The following JAK2 variants were observed in gnomAD, a reference collection of about 807,000 sequenced individuals.
The protein encoded by JAK2 is tyrosine-protein kinase JAK2.
In JAK2, 86 loss-of-function variants were observed where a neutral mutation model predicts 139.3. The observed-to-expected ratio is 0.62, with a 90% CI of 0.52 to 0.74. The LOEUF is 0.74. JAK2 is among the 30% of genes least tolerant of loss of function. JAK2 has a pLI of 0.00. For synonymous variants in JAK2, 490 were observed against 437.7 expected, an observed-to-expected ratio of 1.12 and a Z score of -1.49; for missense variants, 1,421 against 1,360.3, an observed-to-expected ratio of 1.04 and a Z score of -0.70.
At chr9:5,051,924 A>T (rs1586706878) in intron 6 of JAK2, among the ~76,000 whole-genome samples, 1 of 152,124 alleles carries the variant, frequency 6.6e-6, no homozygotes, top group East Asian at 1.9e-4. Flanking sequence ...CATAGGGTAT[A>T]ATTTTAGGAA....
intron 10 of JAK2, among the ~76,000 whole-genome samples, chr9:5,068,633 C>T (rs1028410348): frequency 6.6e-6 from 1 of 152,140 alleles, no homozygotes; most frequent in Non-Finnish European, 1.5e-5. Context: ...ATGGCTGGAA[C>T]GTAGGTTGTA....
chr9:5,114,081 C>G (rs1356033073), intron 22 of JAK2: 1 of 334,888 alleles, frequency 3.0e-6, no homozygotes, highest in South Asian at 3.0e-5. Context: ...CACCCTCACC[C>G]AGAAGCGCTG....
chr9:4,995,198 C>G (rs1820491347), intron 2 of JAK2, among the ~76,000 whole-genome samples: 1 of 152,136 alleles, frequency 6.6e-6, no homozygotes, highest in African/African-American at 2.4e-5. Flanking sequence ...TCACTCATAT[C>G]TTGGCCCACT....
intron 4 of JAK2, among the ~76,000 whole-genome samples, chr9:5,040,642 G>T (rs1816416631): frequency 6.6e-6 from 1 of 152,258 alleles, no homozygotes; most frequent in African/African-American, 2.4e-5. Context: ...AATTTAAAAA[G>T]TAGGCAAGGG....
intron 8 of JAK2, among the ~76,000 whole-genome samples, chr9:5,057,455 A>C (rs988350733): frequency 6.6e-6 from 1 of 152,102 alleles, no homozygotes; most frequent in Non-Finnish European, 1.5e-5. Context: ...AGTAGTGTTA[A>C]GTATATTCAC....
chr9:5,126,837 A>C lies in JAK2; in HGVS notation c.*46A>C, dbSNP rs768666832. ...AGACCAAAGTAGATTTACAGAACAA[A>C]GTTTTATATTTCACATTGCTGTGGA... On this transcript the variant is annotated 3_prime_UTR_variant, in exon 25 of 25. Coordinates refer to ENST00000381652, the MANE Select transcript of JAK2 (RefSeq NM_004972.4). The C allele has an allele frequency of 8.5e-7, 1 of 1,175,006 alleles. No individual in the cohort carries two copies. The highest frequency in any genetic ancestry group is 2.4e-5 in the East Asian group (1 of 42,490). The allele number at this position is 1,175,006 out of a possible 1,614,324, so 72.8% of individuals were successfully genotyped here.
At chr9:5,008,669 T>C (rs778663811) in intron 2 of JAK2, among the ~76,000 whole-genome samples, 2 of 152,220 alleles carry the variant, frequency 1.3e-5, no homozygotes, top group Non-Finnish European at 2.9e-5. Flanking sequence ...TTCTTTGTTA[T>C]CTTTGGTGTT....
chr9:5,066,398 C>G (rs757302790), intron 9 of JAK2, among the ~76,000 whole-genome samples: 1 of 151,982 alleles, frequency 6.6e-6, no homozygotes, highest in Non-Finnish European at 1.5e-5. Context: ...AATCAGCAGG[C>G]AGAAAAATCA....
chr9:5,128,513 T>C lies in JAK2; in HGVS notation c.*1722T>C, dbSNP rs1320404593. 6.6e-6 allele frequency among the ~76,000 whole-genome samples: 1 copy of C among 151,902 alleles called. No homozygotes were observed. Among genetic ancestry groups the C allele is most frequent in the Non-Finnish European group, 1.5e-5 (1 of 67,792 alleles). ...CAATATGCTTGATTTCAGATTTTCATACTAAAACTTAACTACATACTTAAA... is the reference window on the plus strand; with the variant it reads ...CAATATGCTTGATTTCAGATTTTCACACTAAAACTTAACTACATACTTAAA... On this transcript the variant is annotated 3_prime_UTR_variant, in exon 25 of 25. Coordinates refer to ENST00000381652, the MANE Select transcript of JAK2 (RefSeq NM_004972.4).
chr9:5,080,098 C>A, intron 16 of JAK2, 131 bp from the exon 17 acceptor site: 2 of 677,428 alleles, frequency 3.0e-6, no homozygotes, highest in Non-Finnish European at 4.9e-6. Context: ...TGCATGTGCA[C>A]ATCCAACCCC....
chr9:5,012,314 C>G (rs11998868), intron 2 of JAK2, among the ~76,000 whole-genome samples: 13,474 of 152,162 alleles, frequency 0.089, 1,747 homozygotes, highest in African/African-American at 0.29. Flanking sequence ...TCATATCCCC[C>G]CGATTTGTAT....
chr9:5,084,678 C>G (rs1025237677), intron 19 of JAK2, among the ~76,000 whole-genome samples: 3 of 151,882 alleles, frequency 2.0e-5, no homozygotes, highest in African/African-American at 7.3e-5. Context: ...TACTTATATT[C>G]TTTTTTAAAT....
At chr9:5,046,130 G>A (rs1241959886) in intron 5 of JAK2, among the ~76,000 whole-genome samples, 2 of 152,136 alleles carry the variant, frequency 1.3e-5, no homozygotes, top group East Asian at 1.9e-4. Flanking sequence ...AACAACCAGT[G>A]ATCATGAGCA....
intron 3 of JAK2, among the ~76,000 whole-genome samples, chr9:5,024,914 G>A (rs1822680760): frequency 6.6e-6 from 1 of 152,206 alleles, no homozygotes. Flanking sequence ...CACACTGGGA[G>A]CACCAATTGC....
At chr9:4,986,046 T>C (rs1356693324) in intron 2 of JAK2, 24 bp downstream of exon 2, 1 of 152,694 alleles carries the variant, frequency 6.5e-6, no homozygotes, top group Non-Finnish European at 1.5e-5. Flanking sequence ...CCTTTATCGC[T>C]GCAGTAAAGG....
At chr9:5,111,189 C>T (rs1289228161) in intron 22 of JAK2, 2 of 677,880 alleles carry the variant, frequency 3.0e-6, no homozygotes, top group African/African-American at 1.8e-5. Context: ...CATTCACATT[C>T]CTGGGACCGG....
intron 19 of JAK2, among the ~76,000 whole-genome samples, chr9:5,087,227 G>A (rs149580526): frequency 2.7e-4 from 41 of 152,308 alleles, no homozygotes; most frequent in Admixed American, 2.5e-3. Flanking sequence ...GGAGGCCTCA[G>A]GAAACTTACA....
At chr9:5,049,646 G>C (rs1489738009) in intron 5 of JAK2, among the ~76,000 whole-genome samples, 2 of 152,122 alleles carry the variant, frequency 1.3e-5, no homozygotes, top group Admixed American at 6.5e-5. Flanking sequence ...GCTAAATTTT[G>C]GTCCCCTTGA....
chr9:5,105,113 C>A (rs1443136128), intron 22 of JAK2, among the ~76,000 whole-genome samples: 1 of 152,202 alleles, frequency 6.6e-6, no homozygotes, highest in African/African-American at 2.4e-5. Flanking sequence ...AAGAGGAAGT[C>A]AAATTGTCCC....
Sources: gnomAD v4.1 joint callset for allele counts (sites outside exome capture counted in the v4.1 genomes callset) on GRCh38, gnomAD v4.1.1 for gene constraint, MANE v1.5 for transcripts, NCBI Gene and HGNC (gene_info 2026-07-23, HGNC 2026-07-21) for gene names.